BBS1: variants seen among roughly 807,000 people sequenced by gnomAD.
BBS1 encodes the protein Bardet-Biedl syndrome 1.
In BBS1, 60 loss-of-function variants were observed where a neutral mutation model predicts 73.9. The observed-to-expected ratio is 0.81, with a 90% CI of 0.66 to 1.01. BBS1 has a LOEUF of 1.01. Among genes scored for constraint, BBS1 ranks in the 50% least tolerant of loss-of-function variants. The probability of loss-of-function intolerance (pLI) is 0.00; values close to 1 mark genes in which losing one functional copy is unlikely to be tolerated. For missense variants in BBS1, 718 were observed against 770.3 expected (o/e 0.93, Z 0.80); for synonymous variants, 283 against 317.4 (o/e 0.89, Z 1.15).
chr11:66,519,547 T>G, intron 7 of BBS1, 70 bp from the exon 8 acceptor site: 1 of 1,606,676 alleles, frequency 6.2e-7, no homozygotes, highest in Non-Finnish European at 8.5e-7. Flanking sequence ...TTCCCTCATG[T>G]GGCATTCTGG....
intron 13 of BBS1, chr11:66,529,024 C>CA: frequency 1.1e-6 from 1 of 878,140 alleles, no homozygotes; most frequent in Non-Finnish European, 1.4e-6. Flanking sequence ...ATACCAGCCA[C>CA]AAAAATTAAT....
At chr11:66,530,654 C>T (rs747033894) in intron 14 of BBS1, among the ~76,000 whole-genome samples, 29 of 152,086 alleles carry the variant, frequency 1.9e-4, no homozygotes, top group Non-Finnish European at 3.8e-4. Context: ...AGGTGAGAGT[C>T]GGGGCCTGCA....
chr11:66,531,651 CTT>C lies in BBS1; in HGVS notation c.1609-4_1609-3del, dbSNP rs761982984. 9 of 1,614,102 alleles carry C rather than the reference CTT, an allele frequency of 5.6e-6. No individual in the cohort carries two copies. Among genetic ancestry groups the C allele is most frequent in the Non-Finnish European group, 8.5e-7 (1 of 1,180,000 alleles). On this transcript the variant is annotated splice_polypyrimidine_tract_variant and splice_region_variant and intron_variant, in intron 15 of 16. Coordinates refer to ENST00000318312, the MANE Select transcript of BBS1 (RefSeq NM_024649.5). ...GTTTCCTTACTTCTTTGTCCCCAAA[CTT>C]AGGTACCCTTGCTGGTGCCAGGGCT...
intron 13 of BBS1, chr11:66,529,042 A>C: frequency 2.1e-6 from 2 of 973,796 alleles, no homozygotes; most frequent in Non-Finnish European, 2.4e-6. Flanking sequence ...AATTCTGGAT[A>C]GATTAAAAAT....
At chr11:66,526,885 G>C in intron 13 of BBS1, 78 bp downstream of exon 13, 1 of 1,612,220 alleles carries the variant, frequency 6.2e-7, no homozygotes, top group East Asian at 2.2e-5. Flanking sequence ...ATGCTGCCCA[G>C]CCTCCCTGTG....
At chr11:66,519,294 C>T (rs534516692) in intron 7 of BBS1, among the ~76,000 whole-genome samples, 2 of 152,244 alleles carry the variant, frequency 1.3e-5, no homozygotes, top group South Asian at 2.1e-4. Flanking sequence ...TTGCTTGAAC[C>T]TGCGAGGCAG....
At chr11:66,525,028 G>A (rs560699703) in intron 11 of BBS1, among the ~76,000 whole-genome samples, 16 of 152,094 alleles carry the variant, frequency 1.1e-4, no homozygotes, top group Middle Eastern at 3.4e-3. Flanking sequence ...GTAAAACCCC[G>A]TCTCTACTAA....
At chr11:66,521,042 T>C (rs889138458) in intron 8 of BBS1, 2 of 566,276 alleles carry the variant, frequency 3.5e-6, no homozygotes, top group African/African-American at 3.8e-5. Flanking sequence ...AGTACATCCT[T>C]AGGATGCAGT....
chr11:66,531,660 C>G lies in BBS1; in HGVS notation c.1613C>G (p.Pro538Arg), dbSNP rs1029655925. 1.2e-6 allele frequency: 2 copies of G among 1,614,070 alleles called. No homozygotes were observed. The highest frequency in any genetic ancestry group is 8.5e-7 in the Non-Finnish European group (1 of 1,179,990). ...CTTCTTTGTCCCCAAACTTAGGTACCCTTGCTGGTGCCAGGGCTCAACTAC... is the reference window on the plus strand; with the variant it reads ...CTTCTTTGTCCCCAAACTTAGGTACGCTTGCTGGTGCCAGGGCTCAACTAC... Reference protein sequence around the residue: ...YSLPRAFFKVPLLVPGLNYPL... With the variant: ...YSLPRAFFKVRLLVPGLNYPL... The change falls in exon 16 of 17, where the codon CCC (proline) becomes CGC (arginine). Residue 538 changes from proline to arginine, a missense_variant. Coordinates refer to ENST00000318312, the MANE Select transcript of BBS1 (RefSeq NM_024649.5).
Position 66,526,813 on chromosome 11 carries a change from C to G in BBS1, c.1339+6C>G. ...AGAGCGGGAGGCTGGCACCGGTGAG[C>G]CTCAGACTGGGTCCTTTCCCTTCTT... On this transcript the variant is annotated splice_donor_region_variant and intron_variant, in intron 13 of 16. Coordinates refer to ENST00000318312, the MANE Select transcript of BBS1 (RefSeq NM_024649.5). The G allele has an allele frequency of 6.2e-7, 1 of 1,614,206 alleles. No homozygotes were observed. The highest frequency in any genetic ancestry group is 8.5e-7 in the Non-Finnish European group (1 of 1,180,032).
At chr11:66,523,607 A>G in intron 10 of BBS1, 31 bp downstream of exon 10, 1 of 1,613,726 alleles carries the variant, frequency 6.2e-7, no homozygotes. Flanking sequence ...CAGCCCCTCC[A>G]CGCCTATGTC....
Position 66,526,128 on chromosome 11 carries a change from A to G in BBS1, c.1116A>G (p.Ala372=), listed in dbSNP as rs1335578252. The G allele has an allele frequency of 3.1e-6, 5 of 1,614,094 alleles. No individual in the cohort carries two copies. Among genetic ancestry groups the G allele is most frequent in the Non-Finnish European group, 3.4e-6 (4 of 1,180,032 alleles). The part of the protein sequence containing the change: ...ALLNVIHTPD[A]VTSLCFGRYG... ...ACTCTGACGTCTCCACATAGGATGC[A>G]GTGACCAGCCTTTGCTTTGGCCGGT... Residue 372 remains alanine, a synonymous_variant, in exon 12 of 17, where the codon GCA becomes GCG. Coordinates refer to ENST00000318312, the MANE Select transcript of BBS1 (RefSeq NM_024649.5).
rs767817283 is a variant in BBS1, at chr11:66,529,887, G to A, written c.1408G>A (p.Ala470Thr). Residue 470 changes from alanine to threonine, a missense_variant, in exon 14 of 17, where the codon GCC becomes ACC. Transcript: ENST00000318312. ...RLRAARAYLQ[A>T]LESSLSPLST... ...ACGTGCTGCCCGCGCCTACCTGCAGGCCCTCGAGTCCAGCCTGAGCCCCCT... is the reference window on the plus strand; with the variant it reads ...ACGTGCTGCCCGCGCCTACCTGCAGACCCTCGAGTCCAGCCTGAGCCCCCT... 1 of 1,609,160 alleles carries A rather than the reference G, an allele frequency of 6.2e-7. No individual in the cohort carries two copies. The highest frequency in any genetic ancestry group is 1.3e-5 in the African/African-American group (1 of 74,878).
Position 66,521,287 on chromosome 11 carries a change from C to G in BBS1, c.741C>G (p.Val247=). 6.2e-7 allele frequency: 1 copy of G among 1,614,178 alleles called. No individual in the cohort carries two copies. The highest frequency in any genetic ancestry group is 1.1e-5 in the South Asian group (1 of 91,084). Residue 247 remains valine (V), a synonymous_variant, in exon 9 of 17, where the codon GTC becomes GTG. Coordinates refer to ENST00000318312, the MANE Select transcript of BBS1 (RefSeq NM_024649.5). Reference sequence around the variant, plus strand: ...GTTTGCAGATGAGCCTTCCCAGCGTCCCCGTCTTCCTAGAGGTTTCTGGCC... The same window carrying G: ...GTTTGCAGATGAGCCTTCCCAGCGTGCCCGTCTTCCTAGAGGTTTCTGGCC... ...TILAKMSLPS[V]PVFLEVSGQF... is the part of the protein sequence containing the mutation.
intron 13 of BBS1, chr11:66,527,204 TCTC>T: frequency 3.6e-6 from 2 of 562,552 alleles, no homozygotes; most frequent in African/African-American, 4.0e-5. Flanking sequence ...GATACTTCTT[TCTC>T]AAAAAAAAAA....
intron 7 of BBS1, among the ~76,000 whole-genome samples, chr11:66,516,658 C>T (rs911239105): frequency 1.3e-5 from 2 of 152,098 alleles, no homozygotes; most frequent in Non-Finnish European, 2.9e-5. Flanking sequence ...TCAAGTGATC[C>T]TCCCCCTTCA....
At chr11:66,522,881 T>C in intron 9 of BBS1, 1 of 345,248 alleles carries the variant, frequency 2.9e-6, no homozygotes, top group South Asian at 2.3e-5. Context: ...CAGGAACACC[T>C]CTCTGTGGAG....
At chr11:66,517,961 T>C (rs1283843546) in intron 7 of BBS1, among the ~76,000 whole-genome samples, 2 of 150,572 alleles carry the variant, frequency 1.3e-5, no homozygotes, top group Non-Finnish European at 3.0e-5. Flanking sequence ...TTTTTTCTTT[T>C]CTTTTTTTTT....
chr11:66,529,340 C>CTGA (rs1239987094), intron 13 of BBS1: 14 of 1,534,100 alleles, frequency 9.1e-6, no homozygotes, highest in Middle Eastern at 1.7e-4. Context: ...AGCATTGAGC[C>CTGA]TGAGGTGTTG....
Sources: allele counts gnomAD v4.1 joint callset (sites outside exome capture counted in the v4.1 genomes callset), GRCh38; gene constraint gnomAD v4.1.1; transcripts MANE v1.5; gene names NCBI Gene and HGNC (gene_info 2026-07-23, HGNC 2026-07-21).